Variants in HABP4 observed in about 807,000 individuals in gnomAD.
HABP4 encodes the protein intracellular hyaluronan-binding protein 4.
HABP4 carries 32 observed loss-of-function variants against 44.1 expected under a neutral mutation model. The ratio of observed to expected loss-of-function variants is 0.73; its 90% CI spans 0.55 to 0.97. The LOEUF is 0.97. HABP4 is among the 50% of genes least tolerant of loss of function. The pLI is 0.00. For synonymous variants in HABP4, 216 were observed against 218.0 expected (o/e 0.99, Z 0.08); for missense variants, 503 against 561.9 (o/e 0.90, Z 1.06).
intron 5 of HABP4, among the ~76,000 whole-genome samples, chr9:96,474,751 T>C (rs1162133165): frequency 6.6e-6 from 1 of 152,186 alleles, no homozygotes; most frequent in Non-Finnish European, 1.5e-5. Context: ...CATTGAGTGA[T>C]AGCGATGCTC....
chr9:96,474,958 T>C (rs1832757885), intron 5 of HABP4, among the ~76,000 whole-genome samples: 2 of 152,362 alleles, frequency 1.3e-5, no homozygotes, highest in South Asian at 4.1e-4. Flanking sequence ...GATAATTATA[T>C]GTGCAATGCC....
chr9:96,452,702 A>G (rs550909590), intron 1 of HABP4, among the ~76,000 whole-genome samples: 2 of 152,280 alleles, frequency 1.3e-5, no homozygotes, highest in African/African-American at 4.8e-5. Flanking sequence ...AAATTTATCT[A>G]TAATGGGTGT....
At chr9:96,466,991 C>T (rs546945430) in intron 4 of HABP4, among the ~76,000 whole-genome samples, 12 of 149,264 alleles carry the variant, frequency 8.0e-5, no homozygotes, top group South Asian at 4.2e-4. Context: ...GGCGCGATCT[C>T]GGCTCACTGC....
chr9:96,483,523 A>G (rs1161630342), intron 5 of HABP4: 1 of 152,160 alleles, frequency 6.6e-6, no homozygotes, highest in Non-Finnish European at 1.5e-5. Flanking sequence ...AGTAGCTAGG[A>G]CTATCGGCAT....
intron 4 of HABP4, among the ~76,000 whole-genome samples, chr9:96,468,360 C>G (rs950300890): frequency 6.6e-6 from 1 of 151,324 alleles, no homozygotes; most frequent in Non-Finnish European, 1.5e-5. Context: ...CAGGTTCAAG[C>G]GATTCTCCTG....
intron 5 of HABP4, among the ~76,000 whole-genome samples, chr9:96,474,881 C>G (rs1431743131): frequency 6.6e-6 from 1 of 152,104 alleles, no homozygotes; most frequent in Admixed American, 6.5e-5. Flanking sequence ...CTAATGTACT[C>G]TCACTTATGT....
chr9:96,484,283 C>CAT (rs1832932109), intron 5 of HABP4, 179 bp from the exon 6 acceptor site: 3 of 527,734 alleles, frequency 5.7e-6, no homozygotes, highest in Non-Finnish European at 1.0e-5. Flanking sequence ...GCAGTGATGA[C>CAT]ATAAAATGTT....
rs772473731 is a variant in HABP4 at position 96,488,062 on chromosome 9, G to T, written c.1000-27G>T. 3.2e-6 allele frequency: 5 copies of T among 1,547,600 alleles called. No individual in the cohort carries two copies. Among genetic ancestry groups the T allele is most frequent in the Non-Finnish European group, 4.5e-6 (5 of 1,121,324 alleles). Reference sequence around the variant, plus strand: ...TGTGGGGATGGCTGTGGACTTGTGCGTGTTTGATGCTGTAATTGTGTTTCA... The same window carrying T: ...TGTGGGGATGGCTGTGGACTTGTGCTTGTTTGATGCTGTAATTGTGTTTCA... On this transcript the variant is annotated intron_variant, in intron 6 of 7. Coordinates refer to ENST00000375249, the MANE Select transcript of HABP4 (RefSeq NM_014282.4). This position sits in a 1 kb window ranked among gnomAD's most constrained non-coding sequence, Gnocchi z 4.6.
At chr9:96,451,079 G>C (rs2131105312) in intron 1 of HABP4, among the ~76,000 whole-genome samples, 1 of 152,168 alleles carries the variant, frequency 6.6e-6, no homozygotes, top group Admixed American at 6.5e-5. Context: ...GGGGGCCTCT[G>C]TGATGCCGGA....
intron 2 of HABP4, among the ~76,000 whole-genome samples, chr9:96,464,186 G>T (rs1054362420): frequency 6.6e-6 from 1 of 152,160 alleles, no homozygotes; most frequent in African/African-American, 2.4e-5. Flanking sequence ...AGGGCTCCGC[G>T]TTGGGCATGT....
chr9:96,480,305 T>C (rs1474158029), intron 5 of HABP4, among the ~76,000 whole-genome samples: 1 of 152,242 alleles, frequency 6.6e-6, no homozygotes, highest in Admixed American at 6.5e-5. Context: ...TCCATAGCAG[T>C]ATATACAGAT....
rs557988367 is a variant in HABP4 at position 96,489,112 on chromosome 9, T to G, written c.1185+838T>G. Among the ~76,000 whole-genome samples the G allele has an allele frequency of 3.9e-5, 6 of 152,244 alleles. No homozygotes were observed. The South Asian group carries it at 1.2e-3, about 32-fold the overall frequency. On this transcript the variant is annotated intron_variant, in intron 7 of 7. Coordinates refer to ENST00000375249, the MANE Select transcript of HABP4 (RefSeq NM_014282.4). The stretch of plus-strand genomic sequence containing the variant: ...TCCTCCTGCTGCCCGGTTCCCTCGC[T>G]CTAGGGAGCAGCCCCTGGAAGCAGT...
chr9:96,488,711 G>A lies in HABP4; in HGVS notation c.1185+437G>A, dbSNP rs561858154. ...CTCCCCGGCTCACCTGCCTCACACC[G>A]TCCTCAGCCAAGGCTGCCTGATTCT... is the stretch of plus-strand genomic sequence containing the variant. On this transcript the variant is annotated intron_variant, in intron 7 of 7. Transcript: ENST00000375249. The surrounding 1 kb of genome is among the most constrained non-coding windows in gnomAD (Gnocchi z 4.6). Among the ~76,000 whole-genome samples, 20 of 152,206 alleles carry A rather than the reference G, an allele frequency of 1.3e-4. No individual in the cohort carries two copies. In the East Asian group the frequency reaches 1.7e-3, roughly 13 times the overall value.
chr9:96,474,291 G>A (rs1832744709), intron 5 of HABP4, among the ~76,000 whole-genome samples: 1 of 152,162 alleles, frequency 6.6e-6, no homozygotes, highest in South Asian at 2.1e-4. Context: ...TTATATGAAT[G>A]TTGAGAAAGT....
intron 1 of HABP4, among the ~76,000 whole-genome samples, chr9:96,455,457 CAAAAAAAAAA>C (rs34929442): frequency 1.6e-5 from 1 of 62,984 alleles, no homozygotes; most frequent in Non-Finnish European, 3.3e-5. Flanking sequence ...GAGACTGTCT[CAAAAAAAAAA>C]AAAAAAAAAA....
chr9:96,489,676 A>G (rs528643704), intron 7 of HABP4, among the ~76,000 whole-genome samples: 8 of 152,358 alleles, frequency 5.3e-5, no homozygotes, highest in Non-Finnish European at 1.2e-4. Context: ...GTGCTCCTCC[A>G]GTGCCCGGCA....
intron 4 of HABP4, among the ~76,000 whole-genome samples, chr9:96,470,692 G>A (rs972695598): frequency 6.6e-6 from 1 of 151,418 alleles, no homozygotes; most frequent in Admixed American, 6.6e-5. Context: ...TCAGGAGTTC[G>A]AAACCAGCCT....
Position 96,450,171 on chromosome 9 carries a change from G to A in HABP4, c.-109G>A. ...CGCCGGTAGGGGCCGGACAGGGTAG[G>A]GCCCGGAGGGCGGTGGCGGCGGAGC... On this transcript the variant is annotated 5_prime_UTR_variant, in exon 1 of 8. Transcript: ENST00000375249. The surrounding 1 kb of genome is among the most constrained non-coding windows in gnomAD (Gnocchi z 4.8). The A allele has an allele frequency of 8.9e-7, 1 of 1,121,974 alleles. No homozygotes were observed. Among genetic ancestry groups the A allele is most frequent in the Non-Finnish European group, 1.1e-6 (1 of 899,476 alleles). 69.5% of individuals were successfully genotyped at this position (1,121,974 alleles called of 1,614,324 possible).
At chr9:96,453,395 G>C (rs1413562225) in intron 1 of HABP4, among the ~76,000 whole-genome samples, 1 of 150,982 alleles carries the variant, frequency 6.6e-6, no homozygotes, top group Non-Finnish European at 1.5e-5. Context: ...ATTTTTAATA[G>C]AGATGGGGTT....
Sources: gnomAD v4.1 joint callset for allele counts (sites outside exome capture counted in the v4.1 genomes callset) on GRCh38, gnomAD v4.1.1 for gene constraint, Gnocchi (gnomAD v3.1) non-coding constraint, MANE v1.5 for transcripts, NCBI Gene and HGNC (gene_info 2026-07-23, HGNC 2026-07-21) for gene names.